Variants in COL5A2 observed in about 807,000 individuals in gnomAD.
The protein encoded by COL5A2 is collagen type V alpha 2 chain.
COL5A2 carries 23 observed loss-of-function variants against 208.2 expected under a neutral mutation model. That is an observed-to-expected ratio of 0.11 (90% CI 0.08 to 0.16). COL5A2 has a LOEUF of 0.16. Ranked by LOEUF, COL5A2 falls within the 10% of genes least tolerant of loss-of-function variation. COL5A2 has a pLI of 1.00. For synonymous variants in COL5A2, 625 were observed against 628.5 expected, an observed-to-expected ratio of 0.99 and a Z score of 0.08; for missense variants, 1,590 against 1,956.4, an observed-to-expected ratio of 0.81 and a Z score of 3.53.
chr2:189,097,162 A>G (rs1387501779), intron 6 of COL5A2, 115 bp downstream of exon 6: 2 of 928,828 alleles, frequency 2.2e-6, no homozygotes, highest in Non-Finnish European at 3.5e-6. Flanking sequence ...TATTTTTGTA[A>G]AATTTAATGG....
At chr2:189,314,215 T>C in the COL5A2 span, among the ~76,000 whole-genome samples, 1 of 151,958 alleles carries the variant, frequency 6.6e-6, no homozygotes, top group African/African-American at 2.4e-5. Context: ...CTCAGCAAAT[T>C]CAAAAGACCT....
At chr2:189,296,057 A>T in the COL5A2 span, among the ~76,000 whole-genome samples, 26,158 of 151,964 alleles carry the variant, frequency 0.17, 2,372 homozygotes, top group South Asian at 0.21. Flanking sequence ...TTTCAGCCTC[A>T]TTCTCTTCTC....
At chr2:189,072,134 A>G (rs1686288837) in intron 17 of COL5A2, 41 bp from the exon 18 acceptor site, 1 of 1,396,418 alleles carries the variant, frequency 7.2e-7, no homozygotes, top group African/African-American at 1.4e-5. Flanking sequence ...CATGTATTCA[A>G]TTAGTATCTA....
intron 16 of COL5A2, 88 bp downstream of exon 16, chr2:189,078,428 T>G: frequency 1.9e-6 from 2 of 1,065,332 alleles, no homozygotes; most frequent in Non-Finnish European, 2.9e-6. Context: ...ACTATTACTT[T>G]CATTTAAAAG....
chr2:189,338,981 T>G, the COL5A2 span, among the ~76,000 whole-genome samples: 1 of 152,144 alleles, frequency 6.6e-6, no homozygotes, highest in Non-Finnish European at 1.5e-5. Flanking sequence ...TTGATTCTGT[T>G]GTGAATCAGA....
chr2:189,197,106 T>G (rs1689011771), intron 1 of COL5A2, among the ~76,000 whole-genome samples: 2 of 152,096 alleles, frequency 1.3e-5, no homozygotes, highest in Non-Finnish European at 2.9e-5. Flanking sequence ...TATGCAGCCA[T>G]TAAAAGGAAT....
the COL5A2 span, among the ~76,000 whole-genome samples, chr2:189,409,035 A>C: frequency 6.6e-6 from 1 of 151,848 alleles, no homozygotes; most frequent in Non-Finnish European, 1.5e-5. Flanking sequence ...TAAATTTTTC[A>C]CTCCATGGCA....
At chr2:189,194,385 T>C (rs1157789694) in intron 1 of COL5A2, among the ~76,000 whole-genome samples, 2 of 152,242 alleles carry the variant, frequency 1.3e-5, no homozygotes. Context: ...ATAATCATTG[T>C]TAACATTTAC....
chr2:189,054,690 CTT>C (rs58380313), intron 35 of COL5A2, among the ~76,000 whole-genome samples: 161 of 113,546 alleles, frequency 1.4e-3, no homozygotes, highest in African/African-American at 2.7e-3. Context: ...GTGTTTTTTC[CTT>C]TTTTTTTTTT....
At chr2:189,415,828 T>G in the COL5A2 span, among the ~76,000 whole-genome samples, 65 of 152,102 alleles carry the variant, frequency 4.3e-4, no homozygotes, top group Non-Finnish European at 6.6e-4. Context: ...CCCAGCTAAT[T>G]TTTTTGTATT....
intron 11 of COL5A2, 87 bp downstream of exon 11, chr2:189,085,073 T>C (rs535610758): frequency 1.5e-5 from 16 of 1,080,998 alleles, no homozygotes; most frequent in Admixed American, 1.2e-4. Context: ...GGAAATGTAA[T>C]GGAAATTAAT....
At chr2:189,181,774 T>G (rs996173532), upstream of COL5A2, among the ~76,000 whole-genome samples, 1 of 150,276 alleles carries the variant, frequency 6.7e-6, no homozygotes, top group African/African-American at 2.5e-5. Flanking sequence ...GATCAGTAGT[T>G]TAGTATCTGT....
At chr2:189,347,265 A>C in the COL5A2 span, among the ~76,000 whole-genome samples, 1 of 152,212 alleles carries the variant, frequency 6.6e-6, no homozygotes, top group Non-Finnish European at 1.5e-5. Context: ...ACATTGAAGA[A>C]AGTATCTTGC....
the COL5A2 span, among the ~76,000 whole-genome samples, chr2:189,410,265 C>T: frequency 6.6e-6 from 1 of 151,990 alleles, no homozygotes; most frequent in African/African-American, 2.4e-5. Context: ...CTAGAGATAT[C>T]ATTTAGTCAT....
intron 1 of COL5A2, among the ~76,000 whole-genome samples, chr2:189,156,395 A>C (rs1688248145): frequency 6.6e-6 from 1 of 152,170 alleles, no homozygotes; most frequent in Non-Finnish European, 1.5e-5. Context: ...CAACTGCAGA[A>C]TTTTAAAAAT....
In COL5A2 at chr2:189,052,055, G is replaced by A. The variant is rs867730691; in HGVS notation, c.2769+117C>T. ...AGCATGCATTATTGGAATAAGAGTT[G>A]TTAAATAAGAAAACATACCATTAAG... is the stretch of plus-strand genomic sequence containing the variant. On this transcript the variant is annotated intron_variant, in intron 41 of 53. Coordinates refer to ENST00000374866, the MANE Select transcript of COL5A2 (RefSeq NM_000393.5). 1.3e-4 allele frequency: 105 copies of A among 811,188 alleles called. 2 individuals carry two copies. The South Asian group carries it at 2.0e-3, about 15-fold the overall frequency. The allele number at this position is 811,188 out of a possible 1,614,324, so 50.2% of individuals were successfully genotyped here. A position where few individuals can be genotyped will look rare whatever the true frequency, so the allele number is the denominator to read the frequency against.
chr2:189,129,854 T>C (rs1687677538), intron 1 of COL5A2, among the ~76,000 whole-genome samples: 1 of 152,046 alleles, frequency 6.6e-6, no homozygotes, highest in Non-Finnish European at 1.5e-5. Context: ...TTACACTTGT[T>C]TGAAATTGTG....
At chr2:189,036,484 CTATA>C in intron 52 of COL5A2, 128 bp downstream of exon 52, 1 of 702,208 alleles carries the variant, frequency 1.4e-6, no homozygotes, top group East Asian at 2.7e-5. Flanking sequence ...ACTAATGAGA[CTATA>C]TCACTTCAAA....
chr2:189,301,383 T>C, the COL5A2 span, among the ~76,000 whole-genome samples: 1 of 152,214 alleles, frequency 6.6e-6, no homozygotes, highest in Non-Finnish European at 1.5e-5. Flanking sequence ...TATTATCTGC[T>C]AAATCAGAAT....
Sources: allele counts gnomAD v4.1 joint callset (sites outside exome capture counted in the v4.1 genomes callset), GRCh38; gene constraint gnomAD v4.1.1; transcripts MANE v1.5; gene names NCBI Gene and HGNC (gene_info 2026-07-23, HGNC 2026-07-21).